INVS: variants seen among roughly 807,000 people sequenced by gnomAD.
INVS encodes the protein inversion of embryo turning homolog.
Under a neutral mutation model 108.8 loss-of-function variants are expected in INVS, and 86 were observed. That is an observed-to-expected ratio of 0.79 (90% CI 0.66 to 0.95). The LOEUF is 0.95. Among genes scored for constraint, INVS ranks in the 40% least tolerant of loss-of-function variants. The pLI is 0.00. For synonymous variants in INVS, 455 were observed against 473.5 expected, an observed-to-expected ratio of 0.96 and a Z score of 0.51; for missense variants, 1,169 against 1,297.4, an observed-to-expected ratio of 0.90 and a Z score of 1.52.
intron 3 of INVS, among the ~76,000 whole-genome samples, chr9:100,148,189 T>TA (rs1828687715): frequency 6.6e-6 from 1 of 151,126 alleles, no homozygotes; most frequent in Admixed American, 6.6e-5. Flanking sequence ...AAAACAGAAA[T>TA]AAAAAACCAA....
Position 100,300,638 on chromosome 9 carries a change from A to G in INVS, c.3162A>G (p.Gln1054=). 2 of 1,613,920 alleles carry G rather than the reference A, an allele frequency of 1.2e-6. No homozygotes were observed. The highest frequency in any genetic ancestry group is 1.6e-4 in the Middle Eastern group (1 of 6,062). The change falls in exon 17 of 17, where the codon CAA becomes CAG. Residue 1054 remains glutamine (Q), a synonymous_variant. Transcript: ENST00000262457. ...CAAAGAACTTTTCTTATAACCTGCA[A>G]TCAGCTACTCAGCCAAAAAACAAAA... ...GRSKNFSYNL[Q]SATQPKNKTK... is the part of the protein sequence containing the mutation.
At position 100,293,019 on chromosome 9, in the gene INVS, C is replaced by T. The variant is rs769806020; in HGVS notation, c.2762C>T (p.Ala921Val). Residue 921 changes from alanine to valine, a missense_variant, in exon 14 of 17, where the codon GCA (alanine) becomes GTA (valine). Coordinates refer to ENST00000262457, the MANE Select transcript of INVS (RefSeq NM_014425.5). Reference sequence around the variant, plus strand: ...TTTCGCAAAAAGAACAAGGCAGCAGCAGTCATCCAGCGCGCCTGGCGAAGG... The same window carrying T: ...TTTCGCAAAAAGAACAAGGCAGCAGTAGTCATCCAGCGCGCCTGGCGAAGG... ...ELFRKKNKAAAVIQRAWRSYQ... is the reference protein window; with the variant it reads ...ELFRKKNKAAVVIQRAWRSYQ... The T allele has an allele frequency of 5.0e-6, 8 of 1,613,906 alleles. No homozygotes were observed. Among genetic ancestry groups the T allele is most frequent in the Non-Finnish European group, 6.8e-6 (8 of 1,180,038 alleles).
chr9:100,292,623 C>T lies in INVS; in HGVS notation c.2366C>T (p.Ala789Val), dbSNP rs895287638. 1.9e-6 allele frequency: 3 copies of T among 1,614,086 alleles called. No homozygotes were observed. Among genetic ancestry groups the T allele is most frequent in the Non-Finnish European group, 2.5e-6 (3 of 1,179,996 alleles). Reference protein sequence around the residue: ...RHDTEPKAKCAPQKRRTQELR... With the variant: ...RHDTEPKAKCVPQKRRTQELR... ...GACACAGAACCCAAGGCCAAATGTG[C>T]CCCCCAGAAAAGGCGCACTCAAGAG... Residue 789 changes from alanine (A) to valine (V), a missense_variant, in exon 14 of 17, where the codon GCC becomes GTC. By Grantham distance (64) the Ala-to-Val change is moderately conservative. Transcript: ENST00000262457.
At chr9:100,147,736 C>T (rs1219756182) in intron 3 of INVS, among the ~76,000 whole-genome samples, 3 of 151,964 alleles carry the variant, frequency 2.0e-5, no homozygotes, top group Non-Finnish European at 4.4e-5. Flanking sequence ...AAATATGGTA[C>T]ATTTATACAA....
chr9:100,146,677 T>C (rs946167367), intron 3 of INVS, among the ~76,000 whole-genome samples: 2 of 152,182 alleles, frequency 1.3e-5, no homozygotes, highest in African/African-American at 4.8e-5. Flanking sequence ...TTTAAATGAG[T>C]CTAGAGTTTA....
chr9:100,189,606 C>T (rs1485306446), intron 3 of INVS, among the ~76,000 whole-genome samples: 1 of 151,076 alleles, frequency 6.6e-6, no homozygotes, highest in Non-Finnish European at 1.5e-5. Flanking sequence ...TACTTGTTTA[C>T]CTTATTGATA....
chr9:100,218,835 T>G (rs1831061985), intron 3 of INVS, among the ~76,000 whole-genome samples: 2 of 152,118 alleles, frequency 1.3e-5, no homozygotes, highest in Non-Finnish European at 2.9e-5. Context: ...TAGCTCACTG[T>G]TAATAATTGT....
At chr9:100,252,786 A>G in intron 9 of INVS, 121 bp from the exon 10 acceptor site, 1 of 760,024 alleles carries the variant, frequency 1.3e-6, no homozygotes, top group Non-Finnish European at 2.3e-6. Flanking sequence ...AACAATTGTT[A>G]TTGTTTTTCT....
intron 3 of INVS, among the ~76,000 whole-genome samples, chr9:100,139,830 CAG>C (rs960887924): frequency 7.2e-5 from 11 of 152,130 alleles, no homozygotes; most frequent in African/African-American, 2.7e-4. Flanking sequence ...TTTATAGAGA[CAG>C]GGGTTTCGCC....
intron 3 of INVS, among the ~76,000 whole-genome samples, chr9:100,183,467 C>G (rs911369016): frequency 2.0e-5 from 3 of 152,040 alleles, no homozygotes; most frequent in Non-Finnish European, 4.4e-5. Flanking sequence ...ACAAACAAAA[C>G]TAAGATAATT....
chr9:100,138,995 C>T (rs376406409), intron 3 of INVS, among the ~76,000 whole-genome samples: 17 of 152,254 alleles, frequency 1.1e-4, no homozygotes, highest in East Asian at 3.9e-4. Flanking sequence ...CGTGAGCCAC[C>T]GCGCCCGGCC....
At chr9:100,291,344 G>A (rs967718634) in intron 13 of INVS, among the ~76,000 whole-genome samples, 7 of 152,182 alleles carry the variant, frequency 4.6e-5, no homozygotes, top group African/African-American at 1.4e-4. Context: ...ACAGGCATGA[G>A]CCACCGTGCC....
chr9:100,237,120 C>T (rs556363894), intron 5 of INVS, among the ~76,000 whole-genome samples: 57 of 152,286 alleles, frequency 3.7e-4, no homozygotes, highest in African/African-American at 1.0e-3. Context: ...TGGTGGGCTC[C>T]GCTCAGTTCA....
At chr9:100,256,391 A>G (rs1832422921) in intron 10 of INVS, among the ~76,000 whole-genome samples, 1 of 151,720 alleles carries the variant, frequency 6.6e-6, no homozygotes, top group Non-Finnish European at 1.5e-5. Context: ...GATTTTTTGA[A>G]GGGTTTTTTG....
At chr9:100,252,240 T>C (rs1832258920) in intron 8 of INVS, 43 bp from the exon 9 acceptor site, 1 of 1,594,192 alleles carries the variant, frequency 6.3e-7, no homozygotes, top group Non-Finnish European at 8.6e-7. Context: ...AAAGGTGAAG[T>C]TGTTATTGAC....
At chr9:100,266,614 T>A (rs1451387324) in intron 11 of INVS, among the ~76,000 whole-genome samples, 1 of 152,114 alleles carries the variant, frequency 6.6e-6, no homozygotes, top group Non-Finnish European at 1.5e-5. Flanking sequence ...ATCAGCAAGG[T>A]CTTTATGACC....
intron 12 of INVS, 142 bp from the exon 13 acceptor site, chr9:100,284,178 G>C (rs1833360879): frequency 1.0e-6 from 1 of 959,008 alleles, no homozygotes; most frequent in African/African-American, 1.7e-5. Flanking sequence ...TTTATCTGGA[G>C]AAAAGACTGC....
chr9:100,140,515 A>G (rs1828390898), intron 3 of INVS, among the ~76,000 whole-genome samples: 1 of 152,176 alleles, frequency 6.6e-6, no homozygotes, highest in Non-Finnish European at 1.5e-5. Context: ...CAGTTAAGGC[A>G]GGAACCGGCC....
At chr9:100,152,449 A>G (rs1828837013) in intron 3 of INVS, among the ~76,000 whole-genome samples, 1 of 152,190 alleles carries the variant, frequency 6.6e-6, no homozygotes, top group African/African-American at 2.4e-5. Context: ...CACTAGTACT[A>G]AAATAAACTT....
Sources: allele counts gnomAD v4.1 joint callset (sites outside exome capture counted in the v4.1 genomes callset), GRCh38; gene constraint gnomAD v4.1.1; transcripts MANE v1.5; gene names NCBI Gene and HGNC (gene_info 2026-07-23, HGNC 2026-07-21).